The following PSEN1 variants were observed in gnomAD, a reference collection of about 807,000 sequenced individuals.
The protein encoded by PSEN1 is presenilin 1, also known as presenilin-1.
PSEN1 carries 15 observed loss-of-function variants against 53.5 expected under a neutral mutation model. The ratio of observed to expected loss-of-function variants is 0.28; its 90% confidence interval spans 0.19 to 0.43. The LOEUF is 0.43. Among genes scored for constraint, PSEN1 ranks in the 20% least tolerant of loss-of-function variants. PSEN1 has a pLI of 1.00. For synonymous variants in PSEN1, 208 were observed against 209.8 expected, an observed-to-expected ratio of 0.99 and a Z score of 0.08; for missense variants, 387 against 571.2, an observed-to-expected ratio of 0.68 and a Z score of 3.29.
At chr14:73,216,562 C>T (rs1023379398) in intron 10 of PSEN1, among the ~76,000 whole-genome samples, 4 of 151,988 alleles carry the variant, frequency 2.6e-5, no homozygotes, top group Admixed American at 6.6e-5. Context: ...AGTTCGAGAC[C>T]AGCCTGACCA....
intron 7 of PSEN1, among the ~76,000 whole-genome samples, chr14:73,196,338 AGTG>A (rs1403103679): frequency 1.3e-5 from 2 of 151,778 alleles, no homozygotes; most frequent in East Asian, 1.9e-4. Flanking sequence ...TTGAGGTAGA[AGTG>A]GTGAGAGTAG....
intron 7 of PSEN1, among the ~76,000 whole-genome samples, chr14:73,194,454 T>G (rs1898854179): frequency 6.6e-6 from 1 of 151,758 alleles, no homozygotes; most frequent in South Asian, 2.1e-4. Context: ...AGAGATGAGA[T>G]CTCACTGTGT....
At chr14:73,198,221 G>A in intron 8 of PSEN1, 92 bp downstream of exon 8, 1 of 782,336 alleles carries the variant, frequency 1.3e-6, no homozygotes, top group Non-Finnish European at 2.2e-6. Context: ...CATGGTACTT[G>A]TTCTCATCTT....
intron 7 of PSEN1, among the ~76,000 whole-genome samples, chr14:73,196,099 C>A (rs889259565): frequency 6.6e-6 from 1 of 152,100 alleles, no homozygotes. Context: ...TAGTGATTCT[C>A]GGCTCCATTT....
At chr14:73,202,284 C>T (rs894578100) in intron 8 of PSEN1, among the ~76,000 whole-genome samples, 3 of 149,706 alleles carry the variant, frequency 2.0e-5, no homozygotes, top group East Asian at 3.9e-4. Flanking sequence ...AAAGTGAGTC[C>T]GTGGCAAAAG....
At position 73,219,512 on chromosome 14, in the gene PSEN1, G is replaced by A; in HGVS notation, c.*223G>A. 1.8e-6 allele frequency: 1 copy of A among 545,888 alleles called. No individual in the cohort carries two copies. Among genetic ancestry groups the A allele is most frequent in the Non-Finnish European group, 3.3e-6 (1 of 302,958 alleles). 33.8% of individuals were successfully genotyped at this position (545,888 alleles called of 1,614,324 possible). A position where few individuals can be genotyped will look rare whatever the true frequency, so the allele number is the denominator to read the frequency against. The stretch of plus-strand genomic sequence containing the variant: ...AACATACTTCATCGCAGTGGACTGT[G>A]TCCCTCGGTGCAGAAACTACCAGAT... On this transcript the variant is annotated 3_prime_UTR_variant, in exon 12 of 12. Transcript: ENST00000324501.
intron 1 of PSEN1, among the ~76,000 whole-genome samples, chr14:73,142,138 G>A (rs1342865187): frequency 6.6e-6 from 1 of 152,030 alleles, no homozygotes; most frequent in Non-Finnish European, 1.5e-5. Flanking sequence ...GGAATTTAGA[G>A]TTCGGTTACA....
intron 5 of PSEN1, among the ~76,000 whole-genome samples, chr14:73,180,455 A>C (rs1468012573): frequency 6.6e-6 from 1 of 152,246 alleles, no homozygotes; most frequent in African/African-American, 2.4e-5. Context: ...GGATCTTTTG[A>C]GTCAGAGATT....
intron 9 of PSEN1, among the ~76,000 whole-genome samples, chr14:73,207,293 T>C (rs1159417685): frequency 6.6e-6 from 1 of 151,646 alleles, no homozygotes; most frequent in Non-Finnish European, 1.5e-5. Flanking sequence ...TTCAGTTTTC[T>C]GGAATGGAGG....
chr14:73,175,059 G>A (rs777708529), intron 5 of PSEN1, among the ~76,000 whole-genome samples: 27 of 152,120 alleles, frequency 1.8e-4, no homozygotes, highest in Non-Finnish European at 4.4e-5. Flanking sequence ...GGTGGCTCAT[G>A]CCTGTAATCC....
At chr14:73,186,445 G>A (rs1898515168) in intron 5 of PSEN1, among the ~76,000 whole-genome samples, 1 of 152,080 alleles carries the variant, frequency 6.6e-6, no homozygotes, top group East Asian at 1.9e-4. Context: ...CATTCTGTTG[G>A]CCTTTGCCAA....
At position 73,152,102 on chromosome 14, in the gene PSEN1, G is replaced by A. The variant is rs1158227378; in HGVS notation, c.87+3996G>A. ...AATTTTTTGTATTTTTCATAGAGGC[G>A]GGGTTTCACCGTGTTAGCCAGGATG... On this transcript the variant is annotated intron_variant, in intron 3 of 11. Transcript: ENST00000324501. 1.1e-4 allele frequency among the ~76,000 whole-genome samples: 16 copies of A among 148,400 alleles called. No individual in the cohort carries two copies. The East Asian group carries it at 2.0e-3, about 18-fold the overall frequency.
chr14:73,198,399 G>A (rs999654613), intron 8 of PSEN1, among the ~76,000 whole-genome samples: 1 of 152,200 alleles, frequency 6.6e-6, no homozygotes, highest in Non-Finnish European at 1.5e-5. Context: ...AGGAGTTGTT[G>A]ATTAGGGCAA....
intron 3 of PSEN1, among the ~76,000 whole-genome samples, chr14:73,166,249 G>A (rs362352): frequency 1.4e-4 from 21 of 152,152 alleles, no homozygotes; most frequent in Non-Finnish European, 2.8e-4. Flanking sequence ...GACTCTGAAT[G>A]AGCATATGAT....
chr14:73,180,729 C>T (rs1898186146), intron 5 of PSEN1, among the ~76,000 whole-genome samples: 1 of 152,198 alleles, frequency 6.6e-6, no homozygotes, highest in African/African-American at 2.4e-5. Context: ...TGTTTTCTTT[C>T]ATACCCTTTA....
intron 7 of PSEN1, among the ~76,000 whole-genome samples, chr14:73,194,550 C>T (rs1040257716): frequency 4.0e-5 from 6 of 151,474 alleles, no homozygotes; most frequent in Non-Finnish European, 7.4e-5. Context: ...CATGAGCCAC[C>T]ATGCCTGGCC....
chr14:73,178,767 A>G (rs1898118502), intron 5 of PSEN1, among the ~76,000 whole-genome samples: 1 of 152,028 alleles, frequency 6.6e-6, no homozygotes, highest in African/African-American at 2.4e-5. Flanking sequence ...GTTTGCCCTT[A>G]CTTCTTGGAG....
At chr14:73,210,116 A>T (rs1032744758) in intron 9 of PSEN1, among the ~76,000 whole-genome samples, 1 of 152,242 alleles carries the variant, frequency 6.6e-6, no homozygotes, top group Non-Finnish European at 1.5e-5. Context: ...CAAGAGGGAT[A>T]TCTGTGTAAG....
chr14:73,197,873 T>C, intron 7 of PSEN1, 158 bp from the exon 8 acceptor site: 1 of 600,006 alleles, frequency 1.7e-6, no homozygotes, highest in Non-Finnish European at 3.0e-6. Flanking sequence ...CCCCCACCAG[T>C]TCACCTGCCA....
Sources: allele counts gnomAD v4.1 joint callset (sites outside exome capture counted in the v4.1 genomes callset), GRCh38; gene constraint gnomAD v4.1.1; transcripts MANE v1.5; gene names NCBI Gene and HGNC (gene_info 2026-07-23, HGNC 2026-07-21).